Variants in KIF16B observed in about 807,000 individuals in gnomAD.
The protein encoded by KIF16B is kinesin family member 16B, also known as kinesin-like protein KIF16B.
Under a neutral mutation model 156.3 loss-of-function variants are expected in KIF16B, and 98 were observed. The observed-to-expected ratio is 0.63, with a 90% confidence interval of 0.53 to 0.74. The LOEUF (loss-of-function observed/expected upper bound fraction) is 0.74. Among genes scored for constraint, KIF16B ranks in the 30% least tolerant of loss-of-function variants. KIF16B has a pLI of 0.00. For synonymous variants in KIF16B, 564 were observed against 583.7 expected, an observed-to-expected ratio of 0.97 and a Z score of 0.49; for missense variants, 1,421 against 1,606.5, an observed-to-expected ratio of 0.88 and a Z score of 1.97.
chr20:16,560,848 C>G (rs911056502), intron 1 of KIF16B, among the ~76,000 whole-genome samples: 1 of 152,072 alleles, frequency 6.6e-6, no homozygotes, highest in Non-Finnish European at 1.5e-5. Flanking sequence ...GTCACTCTGA[C>G]GGCATGATGT....
chr20:16,277,945 CTT>C (rs1344939569), intron 25 of KIF16B, among the ~76,000 whole-genome samples: 3 of 152,230 alleles, frequency 2.0e-5, no homozygotes, highest in African/African-American at 7.2e-5. Context: ...ACACCTGAGT[CTT>C]TGCTTTGTCA....
At chr20:16,569,425 CAG>C (rs1411529113) in intron 1 of KIF16B, among the ~76,000 whole-genome samples, 1 of 152,180 alleles carries the variant, frequency 6.6e-6, no homozygotes, top group Admixed American at 6.5e-5. Flanking sequence ...GCCTACGTAA[CAG>C]AATCACTTCC....
intron 15 of KIF16B, among the ~76,000 whole-genome samples, chr20:16,423,562 A>T (rs1365660924): frequency 6.6e-6 from 1 of 152,142 alleles, no homozygotes. Context: ...TTTGAAAACC[A>T]GTACAAGCCT....
chr20:16,395,639 G>A (rs1252157500), intron 17 of KIF16B, among the ~76,000 whole-genome samples: 1 of 150,034 alleles, frequency 6.7e-6, no homozygotes, highest in South Asian at 2.1e-4. Flanking sequence ...GAGCATTCTA[G>A]TACAGCAAGT....
chr20:16,526,021 T>A, intron 3 of KIF16B, 71 bp downstream of exon 3: 1 of 826,418 alleles, frequency 1.2e-6, no homozygotes, highest in Non-Finnish European at 1.9e-6. Flanking sequence ...TATTTTAAAG[T>A]ATTTTAGGGT....
intron 12 of KIF16B, among the ~76,000 whole-genome samples, chr20:16,460,575 T>C (rs1359363667): frequency 6.6e-6 from 1 of 150,614 alleles, no homozygotes; most frequent in Non-Finnish European, 1.5e-5. Context: ...AAAAAAAAAA[T>C]ATTCGCAATG....
At chr20:16,326,075 C>G (rs2063843125) in intron 24 of KIF16B, among the ~76,000 whole-genome samples, 1 of 152,000 alleles carries the variant, frequency 6.6e-6, no homozygotes, top group East Asian at 1.9e-4. Context: ...ACAAATGGGG[C>G]TGGGATAATT....
At chr20:16,407,005 T>G (rs2065803170) in intron 15 of KIF16B, among the ~76,000 whole-genome samples, 1 of 152,188 alleles carries the variant, frequency 6.6e-6, no homozygotes, top group Admixed American at 6.5e-5. Flanking sequence ...ATAAAAACAC[T>G]GCTTCTTCTC....
intron 22 of KIF16B, among the ~76,000 whole-genome samples, chr20:16,359,905 T>C (rs1240208584): frequency 6.6e-6 from 1 of 152,128 alleles, no homozygotes; most frequent in Non-Finnish European, 1.5e-5. Flanking sequence ...AAGATATTTC[T>C]CTCTTCATTA....
At chr20:16,507,900 C>CT in intron 7 of KIF16B, 58 bp downstream of exon 7, 1 of 1,585,020 alleles carries the variant, frequency 6.3e-7, no homozygotes, top group Non-Finnish European at 8.6e-7. Flanking sequence ...TCAGCTGGTG[C>CT]TAATCAGCAA....
intron 12 of KIF16B, among the ~76,000 whole-genome samples, chr20:16,473,625 C>G (rs1418636172): frequency 6.6e-6 from 1 of 152,150 alleles, no homozygotes; most frequent in Non-Finnish European, 1.5e-5. Context: ...CCCTAACTCC[C>G]TATGTAATCC....
chr20:16,509,169 T>C (rs930035994), intron 6 of KIF16B, among the ~76,000 whole-genome samples: 1 of 152,216 alleles, frequency 6.6e-6, no homozygotes, highest in Admixed American at 6.5e-5. Flanking sequence ...TTAAGGTGTT[T>C]CCTCATTCAT....
intron 1 of KIF16B, among the ~76,000 whole-genome samples, chr20:16,530,645 C>T (rs185523892): frequency 1.3e-5 from 2 of 152,296 alleles, no homozygotes; most frequent in African/African-American, 4.8e-5. Context: ...TGCTCAACCC[C>T]ACCCAGATTC....
At position 16,433,785 on chromosome 20, in the gene KIF16B, C is replaced by A. The variant is rs375510280; in HGVS notation, c.1303-3803G>T. Among the ~76,000 whole-genome samples, 7 of 152,246 alleles carry A rather than the reference C, an allele frequency of 4.6e-5. No individual in the cohort carries two copies. In the East Asian group the frequency reaches 7.7e-4, roughly 17 times the overall value. ...CTACATGATATTATAAAAGTGTCAC[C>A]TCATAAAACTGGAAACGAGGGTTTA... On this transcript the variant is annotated intron_variant, in intron 12 of 25. Transcript: ENST00000354981.
intron 1 of KIF16B, among the ~76,000 whole-genome samples, chr20:16,567,748 A>C (rs1206515815): frequency 6.6e-6 from 1 of 152,168 alleles, no homozygotes; most frequent in Non-Finnish European, 1.5e-5. Flanking sequence ...CGGGAGATCA[A>C]GACCATCCTG....
intron 24 of KIF16B, among the ~76,000 whole-genome samples, chr20:16,320,965 A>G (rs1049759185): frequency 2.6e-5 from 4 of 152,290 alleles, no homozygotes; most frequent in African/African-American, 9.6e-5. Context: ...AAGTTCAGCA[A>G]TTTCTTCAGT....
chr20:16,485,687 A>T (rs1273373053), intron 12 of KIF16B, among the ~76,000 whole-genome samples: 1 of 152,222 alleles, frequency 6.6e-6, no homozygotes, highest in Non-Finnish European at 1.5e-5. Flanking sequence ...CCAACCATTC[A>T]GTGTTCAGAC....
chr20:16,367,553 C>A (rs2123261160), intron 22 of KIF16B: 1 of 1,612,802 alleles, frequency 6.2e-7, no homozygotes, highest in East Asian at 2.2e-5. Flanking sequence ...TGGCCAGAGT[C>A]ACCCATGACT....
intron 12 of KIF16B, among the ~76,000 whole-genome samples, chr20:16,477,477 TG>T (rs2067853472): frequency 6.6e-6 from 1 of 152,192 alleles, no homozygotes; most frequent in East Asian, 1.9e-4. Context: ...ACTCCTGACC[TG>T]AATCAAAGAT....
Sources: gnomAD v4.1 joint callset for allele counts (sites outside exome capture counted in the v4.1 genomes callset) on GRCh38, gnomAD v4.1.1 for gene constraint, MANE v1.5 for transcripts, NCBI Gene and HGNC (gene_info 2026-07-23, HGNC 2026-07-21) for gene names.